The following ENTPD1 variants were observed in gnomAD, a reference collection of about 807,000 sequenced individuals.
ENTPD1 encodes ATP diphosphohydrolase.
Under a neutral mutation model 57.0 loss-of-function variants are expected in ENTPD1, and 33 were observed. The ratio of observed to expected loss-of-function variants is 0.58; its 90% CI spans 0.44 to 0.77. The LOEUF is 0.77. ENTPD1 is among the 30% of genes least tolerant of loss of function. The pLI, the probability that ENTPD1 is intolerant of heterozygous loss-of-function variation, is 0.00. For missense variants in ENTPD1, 501 were observed against 603.4 expected, an observed-to-expected ratio of 0.83 and a Z score of 1.78; for synonymous variants, 202 against 218.8, an observed-to-expected ratio of 0.92 and a Z score of 0.68.
chr10:95,721,285 T>C (rs1210312137), intron 1 of ENTPD1, among the ~76,000 whole-genome samples: 1 of 152,208 alleles, frequency 6.6e-6, no homozygotes, highest in Non-Finnish European at 1.5e-5. Flanking sequence ...GTGGCACCAA[T>C]CTCCATGTTC....
intron 1 of ENTPD1, among the ~76,000 whole-genome samples, chr10:95,744,345 G>C (rs1295610003): frequency 6.6e-6 from 1 of 152,060 alleles, no homozygotes; most frequent in Non-Finnish European, 1.5e-5. Flanking sequence ...CACATCTAAA[G>C]TGACTTGGGG....
chr10:95,870,458 C>T lies in ENTPD1; in HGVS notation c.*4075C>T. On this transcript the variant is annotated 3_prime_UTR_variant, in exon 10 of 10. Transcript: ENST00000371205. ...CCACCATGTCTAGCTATTTTTTTTT[C>T]TGTAGAGACAGGGTTTTCCTATGTT... is the stretch of plus-strand genomic sequence containing the variant. 1.4e-6 allele frequency: 1 copy of T among 728,406 alleles called. No homozygotes were observed. The highest frequency in any genetic ancestry group is 1.7e-6 in the Non-Finnish European group (1 of 596,126). 45.1% of individuals were successfully genotyped at this position (728,406 alleles called of 1,614,324 possible). A position where few individuals can be genotyped will look rare whatever the true frequency, so the allele number is the denominator to read the frequency against.
At chr10:95,759,331 C>T (rs905285794) in intron 1 of ENTPD1, among the ~76,000 whole-genome samples, 5 of 152,202 alleles carry the variant, frequency 3.3e-5, no homozygotes, top group African/African-American at 1.2e-4. Flanking sequence ...CATGCCAGGG[C>T]ACCCTGTTGG....
At chr10:95,856,764 G>A (rs2098455730) in intron 7 of ENTPD1, among the ~76,000 whole-genome samples, 3 of 150,076 alleles carry the variant, frequency 2.0e-5, no homozygotes, top group Admixed American at 1.3e-4. Context: ...GACACATGAT[G>A]TATTAAGTAA....
At chr10:95,790,586 A>G (rs932111993) in intron 1 of ENTPD1, among the ~76,000 whole-genome samples, 7 of 152,208 alleles carry the variant, frequency 4.6e-5, no homozygotes, top group African/African-American at 1.4e-4. Context: ...CCATCATTAC[A>G]AACTATCAAT....
intron 1 of ENTPD1, among the ~76,000 whole-genome samples, chr10:95,737,206 C>T (rs1371893104): frequency 6.6e-6 from 1 of 151,266 alleles, no homozygotes; most frequent in East Asian, 1.9e-4. Context: ...TGGTTCCTGC[C>T]CTTGTGGAGC....
intron 1 of ENTPD1, among the ~76,000 whole-genome samples, chr10:95,766,707 A>G (rs1455229258): frequency 6.6e-6 from 1 of 152,178 alleles, no homozygotes; most frequent in Non-Finnish European, 1.5e-5. Flanking sequence ...TAATAAAGGA[A>G]TGTAAACAGT....
intron 1 of ENTPD1, among the ~76,000 whole-genome samples, chr10:95,799,435 G>A (rs1344849688): frequency 1.3e-5 from 2 of 152,092 alleles, no homozygotes; most frequent in Admixed American, 1.3e-4. Context: ...TAAGGATAAT[G>A]GCCTCCAGCT....
At chr10:95,851,262 A>G (rs1173496972) in intron 7 of ENTPD1, among the ~76,000 whole-genome samples, 2 of 151,832 alleles carry the variant, frequency 1.3e-5, no homozygotes, top group African/African-American at 4.8e-5. Context: ...TTATATTTAT[A>G]TTTTTGTTGG....
intron 1 of ENTPD1, among the ~76,000 whole-genome samples, chr10:95,716,198 CA>C (rs1478409475): frequency 6.6e-6 from 1 of 152,168 alleles, no homozygotes; most frequent in Non-Finnish European, 1.5e-5. Context: ...GTTCATTTTT[CA>C]GTGGTTACTC....
At position 95,869,430 on chromosome 10, in the gene ENTPD1, A is replaced by C. The variant is rs2098478137; in HGVS notation, c.*3047A>C. 1.4e-6 allele frequency: 1 copy of C among 696,712 alleles called. No homozygotes were observed. The highest frequency in any genetic ancestry group is 1.8e-6 in the Non-Finnish European group (1 of 567,070). The allele number at this position is 696,712 out of a possible 1,614,324, so 43.2% of individuals were successfully genotyped here. A position where few individuals can be genotyped will look rare whatever the true frequency, so the allele number is the denominator to read the frequency against. ...ACACCCGGCTAATTTTTGTATTTTT[A>C]GTAAAGACAGGGTTTCACCATGTTG... On this transcript the variant is annotated 3_prime_UTR_variant, in exon 10 of 10. Coordinates refer to ENST00000371205, the MANE Select transcript of ENTPD1 (RefSeq NM_001776.6).
At chr10:95,842,629 T>C (rs1375656982) in intron 4 of ENTPD1, 135 bp downstream of exon 4, 1 of 982,826 alleles carries the variant, frequency 1.0e-6, no homozygotes. Flanking sequence ...TAAGAAAGGA[T>C]ATTTTAGTAA....
intron 1 of ENTPD1, among the ~76,000 whole-genome samples, chr10:95,795,319 G>A (rs752855660): frequency 6.6e-6 from 1 of 152,158 alleles, no homozygotes; most frequent in Non-Finnish European, 1.5e-5. Context: ...GCTGTTCTTG[G>A]TGTCAGTAAC....
chr10:95,844,156 A>G (rs1219514409), intron 4 of ENTPD1, among the ~76,000 whole-genome samples: 1 of 152,196 alleles, frequency 6.6e-6, no homozygotes, highest in South Asian at 2.1e-4. Flanking sequence ...CCCAGCTATC[A>G]CCACCACAGT....
intron 7 of ENTPD1, among the ~76,000 whole-genome samples, chr10:95,852,933 T>A (rs1396244551): frequency 1.3e-5 from 2 of 152,242 alleles, no homozygotes; most frequent in Admixed American, 1.3e-4. Flanking sequence ...TGGTTCCATA[T>A]GAACTTTAAA....
intron 1 of ENTPD1, among the ~76,000 whole-genome samples, chr10:95,718,200 T>A (rs2097973712): frequency 6.6e-6 from 1 of 152,056 alleles, no homozygotes; most frequent in Non-Finnish European, 1.5e-5. Context: ...TAATTTCCAC[T>A]GGTTAGCTGC....
At position 95,866,321 on chromosome 10, in the gene ENTPD1, G is replaced by A; in HGVS notation, c.1471G>A (p.Val491Met). 1 of 1,614,156 alleles carries A rather than the reference G, an allele frequency of 6.2e-7. No individual in the cohort carries two copies. Among genetic ancestry groups the A allele is most frequent in the Non-Finnish European group, 8.5e-7 (1 of 1,180,030 alleles). Residue 491 changes from valine to methionine, a missense_variant, in exon 10 of 10, where the codon GTG becomes ATG. Transcript: ENST00000371205. ...MVLFSLVLFT[V>M]AIIGLLIFHK... is the part of the protein sequence containing the mutation. The stretch of plus-strand genomic sequence containing the variant: ...TCTATTCTCCCTGGTCCTTTTCACA[G>A]TGGCCATCATAGGCTTGCTTATCTT...
chr10:95,845,005 C>T (rs1283400332), intron 5 of ENTPD1, among the ~76,000 whole-genome samples: 2 of 152,240 alleles, frequency 1.3e-5, no homozygotes, highest in South Asian at 2.1e-4. Context: ...TGAGGTACTA[C>T]ATCATCCCCA....
At chr10:95,750,702 C>T (rs1328802263), upstream of ENTPD1, among the ~76,000 whole-genome samples, 1 of 152,162 alleles carries the variant, frequency 6.6e-6, no homozygotes, top group African/African-American at 2.4e-5. Flanking sequence ...GGGGAAACAG[C>T]ATTCTGAGCA....
Sources: allele counts gnomAD v4.1 joint callset (sites outside exome capture counted in the v4.1 genomes callset), GRCh38; gene constraint gnomAD v4.1.1; transcripts MANE v1.5; gene names NCBI Gene and HGNC (gene_info 2026-07-23, HGNC 2026-07-21).